Variants in HIBCH observed in about 807,000 individuals in gnomAD.
HIBCH encodes the protein 3-hydroxyisobutyryl-CoA hydrolase.
A neutral mutation model predicts 58.2 loss-of-function variants in HIBCH; 50 were observed. That is an observed-to-expected ratio of 0.86 (90% CI 0.68 to 1.09). HIBCH has a LOEUF of 1.09. Ranked by LOEUF, HIBCH falls within the 50% of genes least tolerant of loss-of-function variation. The pLI is 0.00. For synonymous variants in HIBCH, 151 were observed against 146.9 expected (o/e 1.03, Z -0.20); for missense variants, 450 against 449.7 (o/e 1.00, Z -0.01).
At chr2:190,253,644 T>C (rs1686842912) in intron 7 of HIBCH, among the ~76,000 whole-genome samples, 1 of 152,182 alleles carries the variant, frequency 6.6e-6, no homozygotes. Flanking sequence ...GCCAAAGTGA[T>C]CTTTTAAAAA....
At chr2:190,285,633 T>C (rs1687810255) in intron 6 of HIBCH, among the ~76,000 whole-genome samples, 3 of 152,092 alleles carry the variant, frequency 2.0e-5, no homozygotes, top group African/African-American at 4.8e-5. Flanking sequence ...AGGTGGAATT[T>C]CAAAAATTCC....
chr2:190,272,897 A>G (rs1687441792), intron 6 of HIBCH, among the ~76,000 whole-genome samples: 1 of 152,208 alleles, frequency 6.6e-6, no homozygotes, highest in Non-Finnish European at 1.5e-5. Context: ...GCTCTATCTA[A>G]TAAGACAGAC....
chr2:190,267,581 C>T (rs1687277977), intron 6 of HIBCH, among the ~76,000 whole-genome samples: 1 of 151,996 alleles, frequency 6.6e-6, no homozygotes. Context: ...ATGGTTTCTC[C>T]ATTTTAGTGC....
chr2:190,310,214 T>C (rs999246642), intron 2 of HIBCH, among the ~76,000 whole-genome samples: 1 of 152,230 alleles, frequency 6.6e-6, no homozygotes, highest in Non-Finnish European at 1.5e-5. Flanking sequence ...GAGGCTGCAC[T>C]GTCAGCTTCC....
intron 11 of HIBCH, among the ~76,000 whole-genome samples, chr2:190,239,647 G>GTTTTTT (rs60949644): frequency 1.9e-4 from 24 of 127,518 alleles, no homozygotes; most frequent in Middle Eastern, 4.0e-3. Flanking sequence ...GTGGTTTGTA[G>GTTTTTT]TTTTTTTTTT....
At chr2:190,313,661 A>AT (rs1688617363) in intron 1 of HIBCH, among the ~76,000 whole-genome samples, 1 of 148,828 alleles carries the variant, frequency 6.7e-6, no homozygotes, top group Non-Finnish European at 1.5e-5. Context: ...AAAAAAAAAA[A>AT]AAAGGAATCA....
chr2:190,201,046 A>G (rs1690222816), downstream of HIBCH: 1 of 153,570 alleles, frequency 6.5e-6, no homozygotes. Flanking sequence ...GGTCACCATT[A>G]AAATAGACCA....
chr2:190,231,723 C>T (rs960325895), intron 11 of HIBCH, among the ~76,000 whole-genome samples: 1 of 146,630 alleles, frequency 6.8e-6, no homozygotes, highest in African/African-American at 2.5e-5. Context: ...GGGTATGAGA[C>T]GGAGGAAGGA....
At chr2:190,252,880 C>A (rs536294809) in intron 7 of HIBCH, among the ~76,000 whole-genome samples, 23 of 152,232 alleles carry the variant, frequency 1.5e-4, no homozygotes, top group South Asian at 6.2e-4. Context: ...AAATTATCTA[C>A]GGGTAACAAC....
At chr2:190,198,291 C>A (rs1690071238) in intron 1 of HIBCH, among the ~76,000 whole-genome samples, 1 of 152,094 alleles carries the variant, frequency 6.6e-6, no homozygotes, top group Non-Finnish European at 1.5e-5. Flanking sequence ...TCTGGACATC[C>A]TTAATTACAA....
intron 8 of HIBCH, among the ~76,000 whole-genome samples, chr2:190,251,837 T>C (rs190220490): frequency 2.8e-3 from 430 of 152,288 alleles, no homozygotes; most frequent in African/African-American, 1.0e-2. Context: ...TCTTTTTATA[T>C]ATAAATTTAG....
chr2:190,251,708 G>C, intron 8 of HIBCH: 1 of 189,274 alleles, frequency 5.3e-6, no homozygotes, highest in South Asian at 7.1e-5. Flanking sequence ...GCAAAGATAA[G>C]TAACGTGTTC....
intron 6 of HIBCH, among the ~76,000 whole-genome samples, chr2:190,277,232 C>A (rs946560652): frequency 6.6e-5 from 10 of 152,134 alleles, no homozygotes; most frequent in African/African-American, 2.4e-4. Flanking sequence ...CAGTAACATT[C>A]ATTTTTATTT....
rs1039044187 is a variant in HIBCH at position 190,215,279 on chromosome 2, C to T, written c.892-2204G>A. The T allele has an allele frequency of 6.6e-6, 1 of 152,190 alleles. No homozygotes were observed. Among genetic ancestry groups the T allele is most frequent in the African/African-American group, 2.4e-5 (1 of 41,430 alleles). The allele number at this position is 152,190 out of a possible 1,614,324, so 9.4% of individuals were successfully genotyped here. ...TTGGGAAAGACAGCGTCCTCCCAGG[C>T]AAGAAGTCCTGCCAACTGAGCAGAA... On this transcript the variant is annotated intron_variant, in intron 11 of 13. Coordinates refer to ENST00000359678, the MANE Select transcript of HIBCH (RefSeq NM_014362.4). The surrounding 1 kb of genome is among the most constrained non-coding windows in gnomAD (Gnocchi z 4.4).
chr2:190,252,133 A>G, intron 8 of HIBCH, 29 bp downstream of exon 8: 1 of 1,610,490 alleles, frequency 6.2e-7, no homozygotes, highest in South Asian at 1.1e-5. Flanking sequence ...TATTCCAACA[A>G]TACAAAATGC....
chr2:190,222,511 T>A (rs1685750248), intron 11 of HIBCH, among the ~76,000 whole-genome samples: 1 of 151,182 alleles, frequency 6.6e-6, no homozygotes, highest in Non-Finnish European at 1.5e-5. Flanking sequence ...CCAACAAGCA[T>A]ATGAAAAAAT....
In HIBCH at chr2:190,261,167, T is replaced by C. The variant is rs1371100766; in HGVS notation, c.506A>G (p.Glu169Gly). The C allele has an allele frequency of 6.2e-7, 1 of 1,613,132 alleles. No homozygotes were observed. The highest frequency in any genetic ancestry group is 1.3e-5 in the African/African-American group (1 of 74,982). Residue 169 changes from glutamate (E) to glycine (G), a missense_variant, in exon 7 of 14, where the codon GAA becomes GGA. Glu to Gly is a moderately conservative substitution (Grantham distance 98, BLOSUM62 -2). Transcript: ENST00000359678. ...TTCTGGTTGTTTACCTATTGCAGTT[T>C]CTGGCATAGCAAAAAGACACTTTTC... The part of the protein sequence containing the change: ...ATEKCLFAMP[E>G]TAIGLFPDVG...
intron 11 of HIBCH, among the ~76,000 whole-genome samples, chr2:190,232,681 G>A (rs867709194): frequency 8.5e-5 from 13 of 152,246 alleles, no homozygotes; most frequent in Middle Eastern, 3.4e-3. Flanking sequence ...AATAGAGGCC[G>A]GGCATGGTGG....
intron 8 of HIBCH, among the ~76,000 whole-genome samples, chr2:190,250,942 G>A (rs2105939982): frequency 6.6e-6 from 1 of 152,172 alleles, no homozygotes; most frequent in East Asian, 1.9e-4. Flanking sequence ...GGACGTGTGA[G>A]AATAAATCAT....
Sources: allele counts gnomAD v4.1 joint callset (sites outside exome capture counted in the v4.1 genomes callset), GRCh38; gene constraint gnomAD v4.1.1; non-coding constraint Gnocchi (gnomAD v3.1); transcripts MANE v1.5; gene names NCBI Gene and HGNC (gene_info 2026-07-23, HGNC 2026-07-21).